The following AHRR variants were observed in gnomAD, a reference collection of about 807,000 sequenced individuals.
AHRR encodes aryl hydrocarbon receptor repressor.
A neutral mutation model predicts 44.0 loss-of-function variants in AHRR; 28 were observed. The ratio of observed to expected loss-of-function variants is 0.64; its 90% confidence interval spans 0.47 to 0.87. The LOEUF (loss-of-function observed/expected upper bound fraction) is 0.87. AHRR is among the 40% of genes least tolerant of loss of function. The pLI is 0.00. For missense variants in AHRR, 990 were observed against 953.9 expected (o/e 1.04, Z -0.50); for synonymous variants, 434 against 407.0 (o/e 1.07, Z -0.80).
intron 4 of AHRR, among the ~76,000 whole-genome samples, chr5:398,760 C>A (rs1734880421): frequency 6.6e-6 from 1 of 152,230 alleles, no homozygotes; most frequent in African/African-American, 2.4e-5. Flanking sequence ...AAGGGCTGGG[C>A]TGGCAGGGCC....
intron 5 of AHRR, among the ~76,000 whole-genome samples, chr5:416,764 G>A (rs1047082477): frequency 8.5e-5 from 13 of 152,330 alleles, no homozygotes; most frequent in South Asian, 2.1e-4. Context: ...TGCCGTGAAC[G>A]GGGGAGCACT....
chr5:433,697 G>GC (rs978406910), intron 10 of AHRR, among the ~76,000 whole-genome samples, 156 bp from the exon 11 acceptor site: 4 of 152,130 alleles, frequency 2.6e-5, no homozygotes, highest in Non-Finnish European at 5.9e-5. Flanking sequence ...GCTGCTGGGG[G>GC]GGTTAGAAGG....
rs189873192 is a variant in AHRR, at chr5:419,479, C to T, written c.442-3250C>T. On this transcript the variant is annotated intron_variant, in intron 5 of 10. Transcript: ENST00000684583. This position sits in a 1 kb window ranked among gnomAD's most constrained non-coding sequence, Gnocchi z 4.4. ...ACTGTGCCCGGCTGAGAGTTTTAGT[C>T]TTTTAAGCAACATTTATAAATGAAG... Among the ~76,000 whole-genome samples, 21 of 152,228 alleles carry T rather than the reference C, an allele frequency of 1.4e-4. No individual in the cohort carries two copies. In the East Asian group the frequency reaches 4.1e-3, roughly 29 times the overall value.
rs187027009 is a variant in AHRR, at chr5:422,982, G to A, written c.571+124G>A. ...CTTTGCCTTACACATTGACCTTAGC[G>A]CCAAATCTCACCTTTCTTCAGAGGC... On this transcript the variant is annotated intron_variant, in intron 6 of 10. Transcript: ENST00000684583. The A allele has an allele frequency of 1.6e-3, 2,120 of 1,317,354 alleles. 6 individuals are homozygous for A. The highest frequency in any genetic ancestry group is 2.0e-3 in the Non-Finnish European group (1,994 of 986,006). 81.6% of individuals were successfully genotyped at this position (1,317,354 alleles called of 1,614,324 possible). A position where few individuals can be genotyped will look rare whatever the true frequency, so the allele number is the denominator to read the frequency against.
chr5:421,398 C>T (rs975138709), intron 5 of AHRR: 14 of 578,392 alleles, frequency 2.4e-5, no homozygotes, highest in African/African-American at 5.9e-5. Context: ...ACACGGAGGG[C>T]GGCCCGGACT....
intron 1 of AHRR, among the ~76,000 whole-genome samples, chr5:333,883 G>T (rs745471903): frequency 6.6e-6 from 1 of 152,148 alleles, no homozygotes; most frequent in African/African-American, 2.4e-5. Flanking sequence ...CCAAGTTAGG[G>T]CTTCCTTGAG....
intron 4 of AHRR, among the ~76,000 whole-genome samples, chr5:412,948 C>T (rs988856300): frequency 1.3e-5 from 2 of 151,854 alleles, no homozygotes; most frequent in African/African-American, 4.8e-5. Flanking sequence ...CAATGGACTT[C>T]AATATTTTTC....
In AHRR at chr5:434,972, G is replaced by A. The variant is rs1579720404; in HGVS notation, c.*138G>A. ...AGAGCTGTGCATGCGCAGTCTGCTA[G>A]TGTGTGTGTGCAGCATACGCAGGAG... On this transcript the variant is annotated 3_prime_UTR_variant, in exon 11 of 11. Transcript: ENST00000684583. 1 of 1,221,032 alleles carries A rather than the reference G, an allele frequency of 8.2e-7. No individual in the cohort carries two copies. The highest frequency in any genetic ancestry group is 1.6e-5 in the South Asian group (1 of 62,700). The allele number at this position is 1,221,032 out of a possible 1,614,324, so 75.6% of individuals were successfully genotyped here. A position where few individuals can be genotyped will look rare whatever the true frequency, so the allele number is the denominator to read the frequency against.
intron 1 of AHRR, among the ~76,000 whole-genome samples, chr5:331,725 C>A (rs532930654): frequency 8.9e-4 from 136 of 152,342 alleles, no homozygotes; most frequent in African/African-American, 3.1e-3. Flanking sequence ...AGCTCTTCCT[C>A]CTGTCAGATC....
chr5:354,993 C>T (rs1010727315), intron 3 of AHRR, among the ~76,000 whole-genome samples: 3 of 152,284 alleles, frequency 2.0e-5, no homozygotes, highest in African/African-American at 7.2e-5. Context: ...CGGCTGGCCG[C>T]AGCCTCCATG....
At chr5:373,251 C>G (rs2126434706) in intron 3 of AHRR, among the ~76,000 whole-genome samples, 1 of 152,356 alleles carries the variant, frequency 6.6e-6, no homozygotes, top group Non-Finnish European at 1.5e-5. Context: ...GGCCCTGGCC[C>G]TGCCCTGCAC....
intron 1 of AHRR, among the ~76,000 whole-genome samples, chr5:325,284 C>G (rs1405099179): frequency 2.0e-5 from 3 of 152,198 alleles, no homozygotes; most frequent in African/African-American, 7.2e-5. Flanking sequence ...TCTTCTGGGG[C>G]TGGTGTAGGT....
chr5:385,276 G>T (rs1734134452), intron 4 of AHRR, among the ~76,000 whole-genome samples: 1 of 151,928 alleles, frequency 6.6e-6, no homozygotes, highest in South Asian at 2.1e-4. Context: ...TTGGACTCAA[G>T]AAATCCTTTT....
At chr5:412,324 CCT>C (rs774931231) in intron 4 of AHRR, among the ~76,000 whole-genome samples, 43 of 152,226 alleles carry the variant, frequency 2.8e-4, no homozygotes, top group Non-Finnish European at 4.9e-4. Context: ...TAAAATCTGC[CCT>C]GTTTCATCCA....
At chr5:363,586 C>T (rs973588513) in intron 3 of AHRR, among the ~76,000 whole-genome samples, 15 of 152,192 alleles carry the variant, frequency 9.9e-5, no homozygotes, top group African/African-American at 3.6e-4. Flanking sequence ...GGGTTATTTC[C>T]ACATGCAGCC....
intron 1 of AHRR, among the ~76,000 whole-genome samples, chr5:327,404 G>A (rs1741750080): frequency 1.3e-5 from 2 of 152,134 alleles, no homozygotes; most frequent in African/African-American, 4.8e-5. Flanking sequence ...CCAGGTCTCT[G>A]TCATCCATCA....
chr5:423,322 C>T (rs562537179), intron 6 of AHRR, among the ~76,000 whole-genome samples: 1 of 152,318 alleles, frequency 6.6e-6, no homozygotes, highest in African/African-American at 2.4e-5. Context: ...CTCAACCTCC[C>T]TGTGGCGCTG....
intron 1 of AHRR, among the ~76,000 whole-genome samples, chr5:330,876 T>A (rs1741886177): frequency 6.9e-6 from 1 of 145,910 alleles, no homozygotes; most frequent in Non-Finnish European, 1.5e-5. Flanking sequence ...AGCATTTTTT[T>A]TTTTTTTTTT....
chr5:355,358 A>T (rs1743002135), intron 3 of AHRR, among the ~76,000 whole-genome samples: 1 of 152,156 alleles, frequency 6.6e-6, no homozygotes, highest in Non-Finnish European at 1.5e-5. Flanking sequence ...CTTCTGGGAC[A>T]CGCCTTTCAT....
Sources: gnomAD v4.1 joint callset for allele counts (sites outside exome capture counted in the v4.1 genomes callset) on GRCh38, gnomAD v4.1.1 for gene constraint, Gnocchi (gnomAD v3.1) non-coding constraint, MANE v1.5 for transcripts, NCBI Gene and HGNC (gene_info 2026-07-23, HGNC 2026-07-21) for gene names.